The following RAB11B variants were observed in gnomAD, a reference collection of about 807,000 sequenced individuals.
RAB11B encodes RAB11B, member RAS oncogene family, also known as ras-related protein Rab-11B.
Under a neutral mutation model 23.7 loss-of-function variants are expected in RAB11B, and 7 were observed. The ratio of observed to expected loss-of-function variants is 0.29; its 90% CI spans 0.17 to 0.55. The LOEUF (loss-of-function observed/expected upper bound fraction) is 0.55, where lower values mean the gene tolerates loss of function less well. Ranked by LOEUF, RAB11B falls within the 20% of genes least tolerant of loss-of-function variation. RAB11B has a pLI of 0.93. For synonymous variants in RAB11B, 138 were observed against 132.0 expected (o/e 1.05, Z -0.31); for missense variants, 189 against 320.0 (o/e 0.59, Z 3.12).
Position 8,390,393 on chromosome 19 carries a change from G to C in RAB11B, c.-24G>C. The C allele has an allele frequency of 2.0e-6, 3 of 1,528,238 alleles. No homozygotes were observed. The highest frequency in any genetic ancestry group is 2.6e-6 in the Non-Finnish European group (3 of 1,141,834). 94.7% of individuals were successfully genotyped at this position (1,528,238 alleles called of 1,614,324 possible). ...TTTGTGGTGGGGCTGCGGAGTCGCC[G>C]ATCCCGCCGGAAGCGCCAGGACAAT... is the stretch of plus-strand genomic sequence containing the variant. On this transcript the variant is annotated 5_prime_UTR_variant, in exon 1 of 5. Transcript: ENST00000328024.
rs1453128382 is a variant in RAB11B, at chr19:8,404,383, CCCGTCA to C, written c.*828_*833del. ...GTGGCCCCTGCGCTGTTGCCCCGTCCCCGTCACCCCGCCCGTTACTGAAATGTATAA... is the reference window on the plus strand; with the variant it reads ...GTGGCCCCTGCGCTGTTGCCCCGTCCCCCCGCCCGTTACTGAAATGTATAA... On this transcript the variant is annotated 3_prime_UTR_variant, in exon 5 of 5. Transcript: ENST00000328024. 6.6e-6 allele frequency: 1 copy of C among 152,250 alleles called. No individual in the cohort carries two copies. The highest frequency in any genetic ancestry group is 6.5e-5 in the Admixed American group (1 of 15,272). 9.4% of individuals were successfully genotyped at this position (152,250 alleles called of 1,614,324 possible). A position where few individuals can be genotyped will look rare whatever the true frequency, so the allele number is the denominator to read the frequency against.
Position 8,402,116 on chromosome 19 carries a change from G to A in RAB11B, c.267G>A (p.Leu89=). Residue 89 remains leucine, a synonymous_variant, in exon 3 of 5, where the codon CTG becomes CTA. Coordinates refer to ENST00000328024, the MANE Select transcript of RAB11B (RefSeq NM_004218.4). ...AYYRGAVGAL[L]VYDIAKHLTY... ...ACCGTGGTGCAGTGGGCGCCCTGCT[G>A]GTGTACGACATCGCCAAGCACCTGA... 6.2e-7 allele frequency: 1 copy of A among 1,606,336 alleles called. No individual in the cohort carries two copies. The highest frequency in any genetic ancestry group is 1.1e-5 in the South Asian group (1 of 89,536).
chr19:8,392,463 G>C (rs2913975), intron 1 of RAB11B, among the ~76,000 whole-genome samples: 38,304 of 140,356 alleles, frequency 0.27, 5,214 homozygotes, highest in Middle Eastern at 0.33. Context: ...GGTGTGGGGT[G>C]GGGGGGGGCG....
At chr19:8,398,835 G>T (rs923728048) in intron 1 of RAB11B, among the ~76,000 whole-genome samples, 7 of 152,102 alleles carry the variant, frequency 4.6e-5, no homozygotes, top group African/African-American at 1.7e-4. Context: ...AGGCTGGAGT[G>T]CAGTGATTCG....
rs200386569 is a variant in RAB11B at position 8,390,469 on chromosome 19, G to T, written c.40+13G>T. Reference sequence around the variant, plus strand: ...TACCTATTCAAAGGTGCGGCCGGTGGGGCACAGACGGGCGAAGTCGTGGCG... The same window carrying T: ...TACCTATTCAAAGGTGCGGCCGGTGTGGCACAGACGGGCGAAGTCGTGGCG... On this transcript the variant is annotated intron_variant, in intron 1 of 4. Transcript: ENST00000328024. The T allele has an allele frequency of 5.7e-4, 849 of 1,493,530 alleles. 1 individual carries two copies. Among genetic ancestry groups the T allele is most frequent in the South Asian group, 1.2e-3 (88 of 75,776 alleles). 92.5% of individuals were successfully genotyped at this position (1,493,530 alleles called of 1,614,324 possible). A position where few individuals can be genotyped will look rare whatever the true frequency, so the allele number is the denominator to read the frequency against.
chr19:8,404,012 AC>A lies in RAB11B; in HGVS notation c.*460del. 2 of 157,612 alleles carry A rather than the reference AC, an allele frequency of 1.3e-5. No homozygotes were observed. The highest frequency in any genetic ancestry group is 1.4e-5 in the Non-Finnish European group (1 of 72,098). 9.8% of individuals were successfully genotyped at this position (157,612 alleles called of 1,614,324 possible). A position where few individuals can be genotyped will look rare whatever the true frequency, so the allele number is the denominator to read the frequency against. ...AGGCAGCGGGGGCCGGGGCAGGCGG[AC>A]CCCCCGGGCTCTCAGCGCCCACCCG... is the stretch of plus-strand genomic sequence containing the variant. On this transcript the variant is annotated 3_prime_UTR_variant, in exon 5 of 5. Coordinates refer to ENST00000328024, the MANE Select transcript of RAB11B (RefSeq NM_004218.4).
At chr19:8,390,493 C>A (rs1013210822) in intron 1 of RAB11B, 37 bp downstream of exon 1, 7 of 1,473,670 alleles carry the variant, frequency 4.8e-6, no homozygotes, top group South Asian at 1.4e-5. Context: ...GAAGTCGTGG[C>A]GGCGAGGCGG....
At position 8,402,266 on chromosome 19, in the gene RAB11B, C is replaced by G. The variant is rs1183973218; in HGVS notation, c.417C>G (p.Ala139=). 1 of 1,556,976 alleles carries G rather than the reference C, an allele frequency of 6.4e-7. No homozygotes were observed. Among genetic ancestry groups the G allele is most frequent in the Non-Finnish European group, 8.7e-7 (1 of 1,150,824 alleles). The part of the protein sequence containing the change: ...RHLRAVPTDE[A]RAFAEKNNLS... ...TGCGGGCTGTGCCCACTGACGAGGC[C>G]CGCGCCTTCGCAGGTGAGCAGACGG... is the stretch of plus-strand genomic sequence containing the variant. The change falls in exon 3 of 5, where the codon GCC becomes GCG. Residue 139 remains alanine (A), a synonymous_variant. Transcript: ENST00000328024.
At chr19:8,403,051 A>C in intron 4 of RAB11B, 1 of 336,952 alleles carries the variant, frequency 3.0e-6, no homozygotes. Context: ...GACCAGGTCT[A>C]GCCCTTGCTG....
intron 1 of RAB11B, among the ~76,000 whole-genome samples, chr19:8,391,422 C>G (rs1971352210): frequency 6.6e-6 from 1 of 152,242 alleles, no homozygotes; most frequent in Non-Finnish European, 1.5e-5. Context: ...GCTGGAGGGT[C>G]TTCCCCGCCC....
chr19:8,393,628 G>A (rs1329782302), intron 1 of RAB11B, among the ~76,000 whole-genome samples: 5 of 152,210 alleles, frequency 3.3e-5, no homozygotes, highest in Non-Finnish European at 4.4e-5. Flanking sequence ...GGTCCCTCCA[G>A]TGCCCTGGCT....
intron 1 of RAB11B, among the ~76,000 whole-genome samples, chr19:8,392,466 G>C (rs570596589): frequency 6.6e-6 from 1 of 151,868 alleles, no homozygotes; most frequent in East Asian, 1.9e-4. Flanking sequence ...GTGGGGTGGG[G>C]GGGGGCGGTG....
Position 8,399,999 on chromosome 19 carries a change from C to T in RAB11B, c.177C>T (p.Thr59=), listed in dbSNP as rs1398356902. The T allele has an allele frequency of 6.2e-7, 1 of 1,614,194 alleles. No individual in the cohort carries two copies. Among genetic ancestry groups the T allele is most frequent in the Admixed American group, 1.7e-5 (1 of 60,030 alleles). The change falls in exon 2 of 5, where the codon ACC becomes ACT. Residue 59 remains threonine (T), a synonymous_variant. Transcript: ENST00000328024. ...ATRSIQVDGK[T]IKAQIWDTAG... Reference sequence around the variant, plus strand: ...GCAGCATCCAGGTGGACGGCAAGACCATCAAGGCGCAGATCTGGGACACCG... The same window carrying T: ...GCAGCATCCAGGTGGACGGCAAGACTATCAAGGCGCAGATCTGGGACACCG...
chr19:8,398,901 C>T (rs1971416344), intron 1 of RAB11B, among the ~76,000 whole-genome samples: 1 of 152,124 alleles, frequency 6.6e-6, no homozygotes, highest in Admixed American at 6.5e-5. Flanking sequence ...CCTGCCTCAG[C>T]CTCCTGAGTA....
chr19:8,390,667 T>A (rs1971341360), intron 1 of RAB11B: 1 of 470,302 alleles, frequency 2.1e-6, no homozygotes, highest in East Asian at 3.9e-5. Flanking sequence ...CGGAGAGACC[T>A]GGGGGACCTA....
Position 8,403,382 on chromosome 19 carries a change from C to G in RAB11B, c.512-31C>G, listed in dbSNP as rs373932343. On this transcript the variant is annotated intron_variant, in intron 4 of 4. Coordinates refer to ENST00000328024, the MANE Select transcript of RAB11B (RefSeq NM_004218.4). ...TCGGCAGGCAGGGCACGTGCTGGCT[C>G]ACCCCACGTCCCCCTGTACCCCCTT... The G allele has an allele frequency of 5.7e-6, 9 of 1,587,826 alleles. No homozygotes were observed. In the African/African-American group the frequency reaches 1.1e-4, roughly 19 times the overall value.
intron 2 of RAB11B, among the ~76,000 whole-genome samples, chr19:8,401,465 G>A (rs1009165175): frequency 6.2e-5 from 9 of 144,682 alleles, no homozygotes; most frequent in African/African-American, 2.1e-4. Flanking sequence ...TGCAACCTCC[G>A]CCCCCCGCCC....
rs1263418323 is a variant in RAB11B at position 8,402,274 on chromosome 19, T to A, written c.425T>A (p.Phe142Tyr). 1.9e-6 allele frequency: 3 copies of A among 1,555,032 alleles called. No individual in the cohort carries two copies. The highest frequency in any genetic ancestry group is 2.7e-5 in the African/African-American group (2 of 73,280). The change falls in exon 3 of 5, where the codon TTC becomes TAC. Residue 142 changes from phenylalanine (F) to tyrosine (Y), a missense_variant. Phe to Tyr is a conservative substitution (Grantham distance 22). This residue lies in a region of RAB11B where 122 missense variants were observed against 170.8 expected (regional missense o/e 0.71). Coordinates refer to ENST00000328024, the MANE Select transcript of RAB11B (RefSeq NM_004218.4). ...RAVPTDEARA[F>Y]AEKNNLSFIE... ...GTGCCCACTGACGAGGCCCGCGCCT[T>A]CGCAGGTGAGCAGACGGAGACGCAG...
chr19:8,395,271 C>CTTTT (rs201774881), intron 1 of RAB11B, among the ~76,000 whole-genome samples: 5 of 94,074 alleles, frequency 5.3e-5, no homozygotes, highest in East Asian at 2.5e-4. Context: ...TTCCATCTTT[C>CTTTT]TTTTTTTTTT....
Sources: gnomAD v4.1 joint callset for allele counts (sites outside exome capture counted in the v4.1 genomes callset) on GRCh38, gnomAD v4.1.1 for gene constraint, gnomAD v4.1.1 regional missense constraint, MANE v1.5 for transcripts, NCBI Gene and HGNC (gene_info 2026-07-23, HGNC 2026-07-21) for gene names.